LAMB3: variants seen among roughly 807,000 people sequenced by gnomAD.
LAMB3 encodes laminin subunit beta 3, also known as laminin subunit beta-3.
Under a neutral mutation model 140.3 loss-of-function variants are expected in LAMB3, and 104 were observed. The ratio of observed to expected loss-of-function variants is 0.74; its 90% CI spans 0.63 to 0.87. The LOEUF is 0.87. Among genes scored for constraint, LAMB3 ranks in the 40% least tolerant of loss-of-function variants. The pLI is 0.00. For synonymous variants in LAMB3, 592 were observed against 602.9 expected (o/e 0.98, Z 0.26); for missense variants, 1,531 against 1,575.2 (o/e 0.97, Z 0.47).
intron 3 of LAMB3, among the ~76,000 whole-genome samples, chr1:209,645,204 TG>T (rs1301507193): frequency 6.6e-6 from 1 of 152,230 alleles, no homozygotes; most frequent in African/African-American, 2.4e-5. Context: ...AGACTCATTT[TG>T]GGTCTCGTGG....
intron 3 of LAMB3, among the ~76,000 whole-genome samples, chr1:209,641,098 A>T (rs12746103): frequency 0.15 from 17,027 of 109,916 alleles, 633 homozygotes; most frequent in African/African-American, 0.16. Context: ...AAAAAAAAAA[A>T]TTTAAAAAAA....
Position 209,635,455 on chromosome 1 carries a change from TGCA to T in LAMB3, c.373-820_373-818del, listed in dbSNP as rs533902486. On this transcript the variant is annotated intron_variant, in intron 5 of 22. Transcript: ENST00000356082. ...CCTCACTCCGTCACTCAGGCCAGAG[TGCA>T]GTGGTACGATCTTGGCTCACTGCAA... Among the ~76,000 whole-genome samples, 10 of 152,300 alleles carry T rather than the reference TGCA, an allele frequency of 6.6e-5. No individual in the cohort carries two copies. In the South Asian group the frequency reaches 2.1e-3, roughly 32 times the overall value.
At chr1:209,648,720 G>C (rs2076538562) in intron 3 of LAMB3, among the ~76,000 whole-genome samples, 1 of 152,008 alleles carries the variant, frequency 6.6e-6, no homozygotes, top group Non-Finnish European at 1.5e-5. Context: ...ACCTCTCCTT[G>C]CCTCCCCTCC....
chr1:209,637,884 C>T (rs1035922015), intron 5 of LAMB3, 24 bp downstream of exon 5: 6 of 1,596,762 alleles, frequency 3.8e-6, no homozygotes, highest in Non-Finnish European at 3.4e-6. Context: ...CTCTCCTATC[C>T]ACTGCCACCC....
rs758154155 is a variant in LAMB3 at position 209,634,586 on chromosome 1, G to A, written c.425C>T (p.Thr142Ile). The change falls in exon 6 of 23, where the codon ACC (threonine) becomes ATC (isoleucine). Residue 142 changes from threonine (T) to isoleucine (I), a missense_variant. Physicochemically the swap from Thr to Ile is moderately conservative, Grantham distance 89. Coordinates refer to ENST00000356082, the MANE Select transcript of LAMB3 (RefSeq NM_000228.3). ...LIERSSDFGK[T>I]WRVYQYLAAD... ...AGCCAGGTACTGGTACACTCGCCAG[G>A]TCTTACCGAAGTCTGAGGAGCGCTC... 1 of 1,614,142 alleles carries A rather than the reference G, an allele frequency of 6.2e-7. No individual in the cohort carries two copies. The highest frequency in any genetic ancestry group is 1.7e-5 in the Admixed American group (1 of 60,026).
chr1:209,632,752 C>A lies in LAMB3; in HGVS notation c.653G>T (p.Arg218Ile). The A allele has an allele frequency of 6.2e-7, 1 of 1,614,214 alleles. No individual in the cohort carries two copies. The highest frequency in any genetic ancestry group is 1.3e-5 in the African/African-American group (1 of 75,054). ...IQEVGEITNL[R>I]VNFTRLAPVP... The stretch of plus-strand genomic sequence containing the variant: ...AGGGGCCAGCCTGGTGAAATTGACT[C>A]TCAAGTTTGTGATCTCCCCCACCTC... Residue 218 changes from arginine (R) to isoleucine (I), a missense_variant, in exon 8 of 23, where the codon AGA becomes ATA. Arg to Ile is a moderately conservative substitution (Grantham distance 97). Transcript: ENST00000356082.
intron 12 of LAMB3, 41 bp from the exon 13 acceptor site, chr1:209,627,019 C>T (rs368279323): frequency 7.1e-7 from 1 of 1,402,436 alleles, no homozygotes; most frequent in Admixed American, 1.8e-5. Flanking sequence ...TGCCTCACAG[C>T]CTCTGCCTTA....
intron 11 of LAMB3, among the ~76,000 whole-genome samples, chr1:209,627,805 C>A (rs1435587584): frequency 2.0e-5 from 3 of 152,244 alleles, no homozygotes; most frequent in Non-Finnish European, 4.4e-5. Flanking sequence ...CTCAGTCCCA[C>A]CTTCCAACTC....
chr1:209,645,533 T>C (rs1202934813), intron 3 of LAMB3, among the ~76,000 whole-genome samples: 5 of 151,976 alleles, frequency 3.3e-5, no homozygotes, highest in African/African-American at 1.2e-4. Context: ...CTGGCCAACA[T>C]GGTGAAACCC....
chr1:209,617,121 GA>G (rs1228657165), intron 21 of LAMB3, among the ~76,000 whole-genome samples: 1 of 152,174 alleles, frequency 6.6e-6, no homozygotes, highest in Admixed American at 6.5e-5. Context: ...AGTGTCAGGG[GA>G]CCTGCTTTGT....
rs114274965 is a variant in LAMB3, at chr1:209,625,947, C to A, written c.1677G>T (p.Leu559Phe). The A allele has an allele frequency of 1.0e-4, 163 of 1,613,844 alleles. No individual in the cohort carries two copies. In the African/African-American group the frequency reaches 1.9e-3, roughly 19 times the overall value. ...ASGRCLCRPG[L>F]TGPRCDQCQR... ...GGCACTGGTCACAGCGGGGCCCGGTCAAGCCAGGGCGGCAGAGGCAGCGGC... is the reference window on the plus strand; with the variant it reads ...GGCACTGGTCACAGCGGGGCCCGGTAAAGCCAGGGCGGCAGAGGCAGCGGC... Residue 559 changes from leucine (L) to phenylalanine (F), a missense_variant, in exon 14 of 23, where the codon TTG (leucine) becomes TTT (phenylalanine). Coordinates refer to ENST00000356082, the MANE Select transcript of LAMB3 (RefSeq NM_000228.3).
In LAMB3 at chr1:209,622,624, C is replaced by T. The variant is rs1421385586; in HGVS notation, c.2613G>A (p.Glu871=). ...GGGAGCGGCTGGCGCTCACCTGGGT[C>T]TCCAAGCGCTGGGCACTGGATTGAA... ...SQIQSSAQRL[E]TQVSASRSQM... The change falls in exon 18 of 23, where the codon GAG becomes GAA. Residue 871 remains glutamate, a synonymous_variant. Coordinates refer to ENST00000356082, the MANE Select transcript of LAMB3 (RefSeq NM_000228.3). 10 of 1,614,170 alleles carry T rather than the reference C, an allele frequency of 6.2e-6. No homozygotes were observed. The highest frequency in any genetic ancestry group is 8.5e-6 in the Non-Finnish European group (10 of 1,180,034).
Position 209,623,829 on chromosome 1 carries a change from C to G in LAMB3, c.2137+11G>C, listed in dbSNP as rs545798287. On this transcript the variant is annotated intron_variant, in intron 15 of 22. Coordinates refer to ENST00000356082, the MANE Select transcript of LAMB3 (RefSeq NM_000228.3). The surrounding 1 kb of genome is among the most constrained non-coding windows in gnomAD (Gnocchi z 4.2). ...CCATGCCCGGGGTTATCCGGGTGCCCCTCTCCTCACCTGAAGGATCAGCAC... is the reference window on the plus strand; with the variant it reads ...CCATGCCCGGGGTTATCCGGGTGCCGCTCTCCTCACCTGAAGGATCAGCAC... 5.6e-6 allele frequency: 9 copies of G among 1,614,166 alleles called. No individual in the cohort carries two copies. In the South Asian group the frequency reaches 9.9e-5, roughly 18 times the overall value.
At chr1:209,632,968 T>C in intron 7 of LAMB3, 102 bp downstream of exon 7, 2 of 1,110,994 alleles carry the variant, frequency 1.8e-6, no homozygotes, top group South Asian at 2.5e-5. Flanking sequence ...CCAACCACGT[T>C]GACAAAAACA....
chr1:209,650,150 C>A, intron 2 of LAMB3, 32 bp from the exon 3 acceptor site: 1 of 1,599,744 alleles, frequency 6.3e-7, no homozygotes, highest in Non-Finnish European at 8.5e-7. Flanking sequence ...ATGGAGCAGT[C>A]CAGAAAAAAA....
intron 3 of LAMB3, among the ~76,000 whole-genome samples, chr1:209,642,168 G>A (rs1182085972): frequency 2.6e-5 from 4 of 152,030 alleles, no homozygotes; most frequent in African/African-American, 9.7e-5. Context: ...ATTGCATGGA[G>A]AAATGATTAT....
Position 209,628,143 on chromosome 1 carries a change from G to A in LAMB3, c.1180C>T (p.Pro394Ser). 1 of 1,576,120 alleles carries A rather than the reference G, an allele frequency of 6.3e-7. No homozygotes were observed. The highest frequency in any genetic ancestry group is 1.3e-5 in the African/African-American group (1 of 74,084). ...TTGCACACACACTGCCCGGTCACTGGGTCACAGGGAGCCCCTGGCACTGCC... is the reference window on the plus strand; with the variant it reads ...TTGCACACACACTGCCCGGTCACTGAGTCACAGGGAGCCCCTGGCACTGCC... Reference protein sequence around the residue: ...DGAVPGAPCDPVTGQCVCKEH... With the variant: ...DGAVPGAPCDSVTGQCVCKEH... Residue 394 changes from proline (P) to serine (S), a missense_variant, in exon 11 of 23, where the codon CCA (proline) becomes TCA (serine). Transcript: ENST00000356082.
chr1:209,616,420 A>T (rs1665964146), intron 22 of LAMB3, 51 bp downstream of exon 22: 1 of 1,607,292 alleles, frequency 6.2e-7, no homozygotes, highest in Non-Finnish European at 8.5e-7. Flanking sequence ...GTTGGGTGGG[A>T]CCAGCCTTCA....
At position 209,630,529 on chromosome 1, in the gene LAMB3, C is replaced by T. The variant is rs767097560; in HGVS notation, c.943+86G>A. The T allele has an allele frequency of 2.8e-6, 4 of 1,443,354 alleles. No individual in the cohort carries two copies. The Admixed American group carries it at 5.3e-5, about 19-fold the overall frequency. 89.4% of individuals were successfully genotyped at this position (1,443,354 alleles called of 1,614,324 possible). On this transcript the variant is annotated intron_variant, in intron 9 of 22. Transcript: ENST00000356082. ...TTTACATAAGAAAGACTGGATCCCC[C>T]TGCATCCCAGGTGAGATCATCAAGG...
Sources: gnomAD v4.1 joint callset for allele counts (sites outside exome capture counted in the v4.1 genomes callset) on GRCh38, gnomAD v4.1.1 for gene constraint, Gnocchi (gnomAD v3.1) non-coding constraint, MANE v1.5 for transcripts, NCBI Gene and HGNC (gene_info 2026-07-23, HGNC 2026-07-21) for gene names.